SEC14L3: variants seen among roughly 807,000 people sequenced by gnomAD.
SEC14L3 encodes the protein SEC14 like lipid binding 3.
SEC14L3 carries 56 observed loss-of-function variants against 57.4 expected under a neutral mutation model. That is an observed-to-expected ratio of 0.97 (90% CI 0.79 to 1.22). The LOEUF is 1.22. SEC14L3 is among the 50% of genes most tolerant of loss of function. The pLI is 0.00. For synonymous variants in SEC14L3, 173 were observed against 194.4 expected (o/e 0.89, Z 0.92); for missense variants, 485 against 511.7 (o/e 0.95, Z 0.50).
At chr22:30,457,874 T>G (rs1935147174), downstream of SEC14L3, among the ~76,000 whole-genome samples, 1 of 152,134 alleles carries the variant, frequency 6.6e-6, no homozygotes, top group Non-Finnish European at 1.5e-5. Context: ...AGGGGCAGCC[T>G]TAGCTCCAGG....
At position 30,470,521 on chromosome 22, in the gene SEC14L3, A is replaced by T; in HGVS notation, c.116T>A (p.Leu39Gln). 1 of 1,614,210 alleles carries T rather than the reference A, an allele frequency of 6.2e-7. No homozygotes were observed. Among genetic ancestry groups the T allele is most frequent in the Non-Finnish European group, 8.5e-7 (1 of 1,180,026 alleles). ...ALPNPDDYFL[L>Q]RWLRARNFDL... ...TCTGCCCTCACCTCGGAGCCAGCGT[A>T]GAAGGAAATAATCATCAGGGTTGGG... Residue 39 changes from leucine to glutamine, a missense_variant, in exon 2 of 12, where the codon CTA (leucine) becomes CAA (glutamine). Transcript: ENST00000215812.
In SEC14L3 at chr22:30,462,127, T is replaced by C; in HGVS notation, c.730A>G (p.Thr244Ala). The change falls in exon 9 of 12, where the codon ACC (threonine) becomes GCC (alanine). Residue 244 changes from threonine (T) to alanine (A), a missense_variant. Transcript: ENST00000215812. ...PEELPAQFGG[T>A]LTDPDGNPKC... ...GGGTTCCCATCTGGGTCAGTCAGGG[T>C]GCCCCCAAACTGGGCAGGCAGTTCC... The C allele has an allele frequency of 6.2e-7, 1 of 1,614,108 alleles. No homozygotes were observed. The highest frequency in any genetic ancestry group is 8.5e-7 in the Non-Finnish European group (1 of 1,179,996).
downstream of SEC14L3, among the ~76,000 whole-genome samples, chr22:30,454,859 T>TAATA (rs1935069873): frequency 4.2e-5 from 2 of 47,836 alleles, no homozygotes; most frequent in Admixed American, 3.8e-4. Flanking sequence ...TATTATATTA[T>TAATA]TATATAATAC....
downstream of SEC14L3, among the ~76,000 whole-genome samples, chr22:30,456,078 T>G (rs906988567): frequency 6.6e-5 from 10 of 151,996 alleles, no homozygotes; most frequent in African/African-American, 2.4e-4. Flanking sequence ...GAGGCCAAGG[T>G]GTGTGGATCA....
intron 5 of SEC14L3, 127 bp from the exon 6 acceptor site, chr22:30,467,204 C>T: frequency 3.8e-6 from 5 of 1,314,836 alleles, no homozygotes; most frequent in Non-Finnish European, 5.1e-6. Flanking sequence ...AACAAGTAGA[C>T]TAACCAGTGA....
downstream of SEC14L3, among the ~76,000 whole-genome samples, chr22:30,457,426 A>G (rs1443892951): frequency 7.4e-6 from 1 of 135,634 alleles, no homozygotes; most frequent in Non-Finnish European, 1.5e-5. Flanking sequence ...TCTGTTGCTC[A>G]GGCTGGAGTG....
At chr22:30,470,438 T>C (rs889233250) in intron 2 of SEC14L3, 69 bp downstream of exon 2, 1 of 1,609,952 alleles carries the variant, frequency 6.2e-7, no homozygotes, top group African/African-American at 1.3e-5. Context: ...CATGAGACAC[T>C]CTGGAGCAGT....
At chr22:30,468,349 G>A (rs527526185) in intron 5 of SEC14L3, among the ~76,000 whole-genome samples, 159 bp downstream of exon 5, 289 of 152,058 alleles carry the variant, frequency 1.9e-3, no homozygotes, top group Middle Eastern at 3.4e-3. Flanking sequence ...CTGTGACTGT[G>A]ACTTTTCAAG....
chr22:30,453,308 G>A (rs1935022527), intron 12 of SEC14L3, among the ~76,000 whole-genome samples: 1 of 152,196 alleles, frequency 6.6e-6, no homozygotes, highest in Admixed American at 6.6e-5. Context: ...TGATGGCACA[G>A]TAGTCTAGGA....
At chr22:30,456,178 G>A (rs1160231318), downstream of SEC14L3, among the ~76,000 whole-genome samples, 1 of 151,414 alleles carries the variant, frequency 6.6e-6, no homozygotes, top group Non-Finnish European at 1.5e-5. Context: ...AGGCACATGT[G>A]TTCCCTGCTA....
intron 5 of SEC14L3, 98 bp downstream of exon 5, chr22:30,468,410 G>T: frequency 1.2e-6 from 1 of 854,086 alleles, no homozygotes; most frequent in Admixed American, 2.2e-5. Flanking sequence ...AGAGCCCTCT[G>T]ACTGTGGTTG....
At chr22:30,463,359 A>G (rs978717441) in intron 8 of SEC14L3, among the ~76,000 whole-genome samples, 1 of 152,006 alleles carries the variant, frequency 6.6e-6, no homozygotes, top group Admixed American at 6.6e-5. Flanking sequence ...CAACCCCCTC[A>G]CTTTGGCCAT....
intron 12 of SEC14L3, among the ~76,000 whole-genome samples, chr22:30,451,586 G>A (rs927614547): frequency 3.3e-5 from 5 of 152,154 alleles, no homozygotes; most frequent in African/African-American, 9.7e-5. Context: ...ACTGTGCCCC[G>A]AAGAGTAAGA....
rs749868236 is a variant in SEC14L3 at position 30,461,498 on chromosome 22, G to A, written c.912-19C>T. 1 of 1,613,206 alleles carries A rather than the reference G, an allele frequency of 6.2e-7. No homozygotes were observed. Among genetic ancestry groups the A allele is most frequent in the Admixed American group, 1.7e-5 (1 of 59,990 alleles). Reference sequence around the variant, plus strand: ...CTGCCACCTGTCAGGGGGAGGGGGAGGAGACAGGTTGCTGCTCAGCCTGAT... The same window carrying A: ...CTGCCACCTGTCAGGGGGAGGGGGAAGAGACAGGTTGCTGCTCAGCCTGAT... On this transcript the variant is annotated intron_variant, in intron 10 of 11. Transcript: ENST00000215812.
At chr22:30,451,255 G>A (rs1422311321) in intron 12 of SEC14L3, among the ~76,000 whole-genome samples, 1 of 152,140 alleles carries the variant, frequency 6.6e-6, no homozygotes, top group Admixed American at 6.5e-5. Context: ...GAAGATGCGT[G>A]GACAAGATGA....
At position 30,459,743 on chromosome 22, in the gene SEC14L3, G is replaced by A; in HGVS notation, c.*278C>T. 8.8e-7 allele frequency: 1 copy of A among 1,131,596 alleles called. No individual in the cohort carries two copies. Among genetic ancestry groups the A allele is most frequent in the Non-Finnish European group, 1.1e-6 (1 of 917,742 alleles). The allele number at this position is 1,131,596 out of a possible 1,614,324, so 70.1% of individuals were successfully genotyped here. A position where few individuals can be genotyped will look rare whatever the true frequency, so the allele number is the denominator to read the frequency against. On this transcript the variant is annotated 3_prime_UTR_variant, in exon 12 of 12. Transcript: ENST00000215812. ...AGGGTAGGTGAGGACAAAGGCTAGG[G>A]GATTCATTTTGCTATTTATTGAGTT...
At chr22:30,470,672 TCCCA>T in intron 1 of SEC14L3, 90 bp from the exon 2 acceptor site, 1 of 1,581,514 alleles carries the variant, frequency 6.3e-7, no homozygotes, top group Non-Finnish European at 8.6e-7. Context: ...TCTCCTTTCC[TCCCA>T]CATGCAAAAT....
At chr22:30,454,915 TA>T (rs1935075476), downstream of SEC14L3, among the ~76,000 whole-genome samples, 1 of 19,882 alleles carries the variant, frequency 5.0e-5, no homozygotes, top group African/African-American at 3.4e-4. Context: ...AATATATTAT[TA>T]TATATTATAT....
intron 3 of SEC14L3, 54 bp from the exon 4 acceptor site, chr22:30,470,132 A>T: frequency 6.2e-7 from 1 of 1,611,354 alleles, no homozygotes; most frequent in Non-Finnish European, 8.5e-7. Flanking sequence ...CCCTGAGAAC[A>T]GGGATGGAAG....
Sources: allele counts gnomAD v4.1 joint callset (sites outside exome capture counted in the v4.1 genomes callset), GRCh38; gene constraint gnomAD v4.1.1; transcripts MANE v1.5; gene names NCBI Gene and HGNC (gene_info 2026-07-23, HGNC 2026-07-21).